Variants in NAV2 observed in about 807,000 individuals in gnomAD.
NAV2 encodes the protein neuron navigator 2.
Under a neutral mutation model 223.2 loss-of-function variants are expected in NAV2, and 54 were observed. The ratio of observed to expected loss-of-function variants is 0.24; its 90% CI spans 0.19 to 0.30. NAV2 has a LOEUF of 0.30. NAV2 is among the 10% of genes least tolerant of loss of function. NAV2 has a pLI of 1.00. For missense variants in NAV2, 2,806 were observed against 3,147.5 expected (o/e 0.89, Z 2.60); for synonymous variants, 1,279 against 1,239.3 (o/e 1.03, Z -0.67).
intron 1 of NAV2, among the ~76,000 whole-genome samples, chr11:19,512,935 G>A (rs1329424945): frequency 6.6e-6 from 1 of 152,210 alleles, no homozygotes; most frequent in African/African-American, 2.4e-5. Context: ...GAATCCCTTT[G>A]ATTTTCTTGA....
At chr11:20,010,433 C>T (rs185142597) in intron 11 of NAV2, among the ~76,000 whole-genome samples, 1 of 152,178 alleles carries the variant, frequency 6.6e-6, no homozygotes, top group Non-Finnish European at 1.5e-5. Context: ...AATTGTGAGT[C>T]TCCTTTTCTC....
At chr11:19,429,270 T>G (rs1025822566) in intron 1 of NAV2, among the ~76,000 whole-genome samples, 5 of 151,478 alleles carry the variant, frequency 3.3e-5, no homozygotes, top group African/African-American at 9.7e-5. Context: ...ATGCATTTAT[T>G]TACTGGGCAC....
intron 37 of NAV2, among the ~76,000 whole-genome samples, chr11:20,117,913 A>T (rs2063260970): frequency 6.6e-6 from 1 of 152,190 alleles, no homozygotes; most frequent in Admixed American, 6.5e-5. Flanking sequence ...AACAAGTATA[A>T]AGAGGTTAAG....
chr11:19,483,414 G>T (rs370618813), intron 1 of NAV2, among the ~76,000 whole-genome samples: 1 of 152,168 alleles, frequency 6.6e-6, no homozygotes, highest in Non-Finnish European at 1.5e-5. Context: ...TTGTGCTTCT[G>T]TTCAAGTAAC....
intron 1 of NAV2, among the ~76,000 whole-genome samples, chr11:19,686,136 C>T (rs141526092): frequency 6.6e-6 from 1 of 152,166 alleles, no homozygotes; most frequent in African/African-American, 2.4e-5. Flanking sequence ...CTCTCTGCCC[C>T]CTTCACTTCA....
intron 1 of NAV2, among the ~76,000 whole-genome samples, chr11:19,489,133 C>A (rs2042540610): frequency 6.6e-6 from 1 of 152,206 alleles, no homozygotes; most frequent in Non-Finnish European, 1.5e-5. Flanking sequence ...TCCCTTTACC[C>A]CACAGAAGAG....
intron 6 of NAV2, among the ~76,000 whole-genome samples, chr11:19,925,831 C>T (rs141445505): frequency 6.6e-6 from 1 of 151,924 alleles, no homozygotes; most frequent in Non-Finnish European, 1.5e-5. Context: ...ATTGAAAAGA[C>T]CATTCTTTCC....
At chr11:19,672,709 C>T (rs1254935794) in intron 1 of NAV2, among the ~76,000 whole-genome samples, 1 of 152,128 alleles carries the variant, frequency 6.6e-6, no homozygotes, top group African/African-American at 2.4e-5. Context: ...AGAGATGACG[C>T]AAGCTGGCAC....
At chr11:20,061,403 C>T (rs943820550) in intron 19 of NAV2, among the ~76,000 whole-genome samples, 2 of 151,748 alleles carry the variant, frequency 1.3e-5, no homozygotes, top group African/African-American at 4.8e-5. Context: ...AACCCCATCT[C>T]TACTAAAAAT....
At chr11:19,787,686 G>T (rs1188648322) in intron 1 of NAV2, among the ~76,000 whole-genome samples, 1 of 152,146 alleles carries the variant, frequency 6.6e-6, no homozygotes, top group Non-Finnish European at 1.5e-5. Flanking sequence ...TTAGAGAGGT[G>T]CTGGAAAAGT....
chr11:20,074,447 G>T (rs920199450), intron 22 of NAV2, among the ~76,000 whole-genome samples: 59 of 152,164 alleles, frequency 3.9e-4, no homozygotes, highest in African/African-American at 1.4e-3. Context: ...TGTCTATTAG[G>T]TGTGCTTGGT....
At chr11:19,593,716 C>G (rs375112393) in intron 1 of NAV2, among the ~76,000 whole-genome samples, 1 of 150,316 alleles carries the variant, frequency 6.7e-6, no homozygotes, top group African/African-American at 2.5e-5. Flanking sequence ...GGTGTTGCCA[C>G]TATTTTAATT....
At chr11:20,024,060 T>G (rs566667711) in intron 11 of NAV2, among the ~76,000 whole-genome samples, 1 of 152,318 alleles carries the variant, frequency 6.6e-6, no homozygotes, top group Admixed American at 6.5e-5. Context: ...TCTACCACCA[T>G]GCCTTCCTGG....
chr11:19,355,884 T>C (rs75845718), intron 1 of NAV2, among the ~76,000 whole-genome samples: 1,601 of 152,308 alleles, frequency 0.011, 25 homozygotes, highest in African/African-American at 0.037. Flanking sequence ...TCCTTGGCCA[T>C]AGTGATATGA....
Position 19,761,000 on chromosome 11 carries a change from C to T in NAV2, c.267+47038C>T, listed in dbSNP as rs114328018. On this transcript the variant is annotated intron_variant, in intron 1 of 37. Transcript: ENST00000349880. ...TTTCGGGGAATAAAGAAAAGGAATA[C>T]CCCATTGGGAGTGCTGTTCTTTGAA... is the stretch of plus-strand genomic sequence containing the variant. Among the ~76,000 whole-genome samples the T allele has an allele frequency of 4.7e-3, 715 of 152,134 alleles. 5 individuals carry two copies. Among genetic ancestry groups the T allele is most frequent in the African/African-American group, 0.015 (631 of 41,448 alleles).
chr11:20,069,450 G>C (rs1321281836), intron 22 of NAV2, among the ~76,000 whole-genome samples: 2 of 152,160 alleles, frequency 1.3e-5, no homozygotes, highest in Non-Finnish European at 2.9e-5. Flanking sequence ...ACACCTCTCA[G>C]TGCGTTTTAA....
intron 1 of NAV2, among the ~76,000 whole-genome samples, chr11:19,434,122 G>T (rs1851130053): frequency 6.7e-6 from 1 of 148,482 alleles, no homozygotes; most frequent in African/African-American, 2.5e-5. Flanking sequence ...AAAAAAAAAA[G>T]AGGAGAACAT....
intron 1 of NAV2, among the ~76,000 whole-genome samples, chr11:19,647,272 G>A (rs2047843453): frequency 1.3e-5 from 2 of 152,130 alleles, no homozygotes; most frequent in African/African-American, 2.4e-5. Flanking sequence ...AAAGATGCTG[G>A]CTCTGTTCAT....
chr11:19,497,721 TA>T (rs898373791), intron 1 of NAV2, among the ~76,000 whole-genome samples: 1 of 152,022 alleles, frequency 6.6e-6, no homozygotes, highest in African/African-American at 2.4e-5. Flanking sequence ...TTTGTGACCC[TA>T]AAGCCACAGA....
Sources: allele counts gnomAD v4.1 joint callset (sites outside exome capture counted in the v4.1 genomes callset), GRCh38; gene constraint gnomAD v4.1.1; transcripts MANE v1.5; gene names NCBI Gene and HGNC (gene_info 2026-07-23, HGNC 2026-07-21).